SCAPER: variants seen among roughly 807,000 people sequenced by gnomAD.
SCAPER encodes S-phase cyclin A associated protein in the ER.
Under a neutral mutation model 182.2 loss-of-function variants are expected in SCAPER, and 98 were observed. The ratio of observed to expected loss-of-function variants is 0.54; its 90% CI spans 0.46 to 0.64. The LOEUF (loss-of-function observed/expected upper bound fraction) is 0.64. SCAPER is among the 30% of genes least tolerant of loss of function. The pLI, the probability that SCAPER is intolerant of heterozygous loss-of-function variation, is 0.00. For missense variants in SCAPER, 1,432 were observed against 1,690.0 expected, an observed-to-expected ratio of 0.85 and a Z score of 2.68; for synonymous variants, 605 against 564.6, an observed-to-expected ratio of 1.07 and a Z score of -1.01.
chr15:76,869,425 A>C (rs2072537264), intron 2 of SCAPER, among the ~76,000 whole-genome samples: 1 of 152,178 alleles, frequency 6.6e-6, no homozygotes, highest in South Asian at 2.1e-4. Flanking sequence ...GCAAAACACA[A>C]ATAATCCAAA....
At chr15:76,682,223 A>G (rs2057755519) in intron 20 of SCAPER, among the ~76,000 whole-genome samples, 1 of 151,456 alleles carries the variant, frequency 6.6e-6, no homozygotes, top group South Asian at 2.1e-4. Flanking sequence ...ACATACCCAC[A>G]TCTGTGACAG....
At chr15:76,424,260 T>C (rs987269585) in intron 26 of SCAPER, among the ~76,000 whole-genome samples, 1 of 152,214 alleles carries the variant, frequency 6.6e-6, no homozygotes, top group African/African-American at 2.4e-5. Context: ...TCTAAGTCTC[T>C]TTGTAGGTCT....
At chr15:76,534,521 G>A (rs975483380) in intron 23 of SCAPER, among the ~76,000 whole-genome samples, 2 of 152,180 alleles carry the variant, frequency 1.3e-5, no homozygotes, top group African/African-American at 2.4e-5. Context: ...TTTTAAATTA[G>A]AGCACAAATA....
intron 17 of SCAPER, among the ~76,000 whole-genome samples, chr15:76,719,780 T>G (rs2060097535): frequency 6.6e-6 from 1 of 152,014 alleles, no homozygotes; most frequent in Non-Finnish European, 1.5e-5. Flanking sequence ...ACAAAAGGCA[T>G]AAAGATGAGG....
intron 22 of SCAPER, among the ~76,000 whole-genome samples, chr15:76,618,584 C>CT (rs145290020): frequency 0.016 from 2,365 of 151,814 alleles, 62 homozygotes; most frequent in African/African-American, 0.055. Flanking sequence ...CTCTTGTTAG[C>CT]TTTTTTTTCA....
chr15:76,708,029 T>C (rs192379933), intron 17 of SCAPER, among the ~76,000 whole-genome samples: 15 of 152,260 alleles, frequency 9.9e-5, no homozygotes, highest in Admixed American at 8.5e-4. Context: ...AAAATATAGT[T>C]GTCGCTCAGT....
At chr15:76,680,413 T>TG (rs1464472685) in intron 20 of SCAPER, among the ~76,000 whole-genome samples, 209 of 10,258 alleles carry the variant, frequency 0.02, 2 homozygotes, top group African/African-American at 0.034. Context: ...ATGATGATGA[T>TG]AATAATAATA....
intron 17 of SCAPER, among the ~76,000 whole-genome samples, chr15:76,726,124 A>AATATGAATATATATATATATAT (rs1555555703): frequency 2.0e-3 from 30 of 15,334 alleles, no homozygotes; most frequent in African/African-American, 4.1e-3. Flanking sequence ...TAATGTCTAG[A>AATATGAATATATATATATATAT]ATATATATAT....
rs1265534491 is a variant in SCAPER at position 76,892,999 on chromosome 15, G to T, written c.-59-9123C>A. Among the ~76,000 whole-genome samples the T allele has an allele frequency of 2.6e-5, 4 of 152,268 alleles. No individual in the cohort carries two copies. The East Asian group carries it at 7.7e-4, about 29-fold the overall frequency. On this transcript the variant is annotated intron_variant, in intron 1 of 31. Transcript: ENST00000563290. ...TGGAATACCATGCAGCCATAAAAAA[G>T]GATGAGTTCATGTCCTTTGCAGGTA...
At chr15:76,371,996 A>G (rs530651349) in intron 29 of SCAPER, among the ~76,000 whole-genome samples, 2 of 151,682 alleles carry the variant, frequency 1.3e-5, no homozygotes, top group Non-Finnish European at 2.9e-5. Flanking sequence ...TAGAATTACT[A>G]TCTTTTCTAT....
intron 2 of SCAPER, among the ~76,000 whole-genome samples, chr15:76,875,334 G>C (rs775591693): frequency 2.0e-5 from 3 of 152,128 alleles, no homozygotes; most frequent in Non-Finnish European, 4.4e-5. Flanking sequence ...TCATATATAT[G>C]TATGTGTATA....
intron 23 of SCAPER, among the ~76,000 whole-genome samples, chr15:76,544,013 A>G (rs1344392444): frequency 6.6e-6 from 1 of 152,212 alleles, no homozygotes; most frequent in Non-Finnish European, 1.5e-5. Flanking sequence ...TAGTTTAAAA[A>G]TGGGTAAAAT....
intron 21 of SCAPER, among the ~76,000 whole-genome samples, chr15:76,654,332 C>T (rs1417277864): frequency 2.0e-5 from 3 of 151,784 alleles, no homozygotes; most frequent in Non-Finnish European, 2.9e-5. Context: ...GGCGTGAACC[C>T]GGGAGGCGGA....
At chr15:76,558,636 G>A (rs1437865548) in intron 23 of SCAPER, among the ~76,000 whole-genome samples, 1 of 152,152 alleles carries the variant, frequency 6.6e-6, no homozygotes, top group African/African-American at 2.4e-5. Flanking sequence ...AGAGAACTTA[G>A]AACTACCATT....
chr15:76,684,426 T>G (rs571860131), intron 20 of SCAPER, among the ~76,000 whole-genome samples: 5 of 152,194 alleles, frequency 3.3e-5, no homozygotes, highest in African/African-American at 9.6e-5. Flanking sequence ...ACACATTGTA[T>G]GCCTGTATCA....
intron 13 of SCAPER, 28 bp downstream of exon 13, chr15:76,765,309 A>G (rs778802010): frequency 1.3e-6 from 2 of 1,562,722 alleles, no homozygotes; most frequent in Admixed American, 3.4e-5. Flanking sequence ...GCTGTGAACC[A>G]TTTCAAATTA....
intron 5 of SCAPER, among the ~76,000 whole-genome samples, chr15:76,841,279 A>T (rs1352266825): frequency 6.6e-6 from 1 of 152,206 alleles, no homozygotes; most frequent in Non-Finnish European, 1.5e-5. Flanking sequence ...ATGGATCAAA[A>T]GAACAATTTT....
intron 29 of SCAPER, among the ~76,000 whole-genome samples, chr15:76,374,184 T>C (rs2042379747): frequency 1.3e-5 from 2 of 151,952 alleles, no homozygotes; most frequent in African/African-American, 2.4e-5. Context: ...GGTCAGGAGT[T>C]TGAGACCAGC....
chr15:76,873,898 CTTTTT>C (rs559728517), intron 2 of SCAPER, among the ~76,000 whole-genome samples: 1 of 144,492 alleles, frequency 6.9e-6, no homozygotes, highest in Non-Finnish European at 1.5e-5. Context: ...TTTTCTTCTT[CTTTTT>C]TTTTTTTTGA....
Sources: allele counts gnomAD v4.1 joint callset (sites outside exome capture counted in the v4.1 genomes callset), GRCh38; gene constraint gnomAD v4.1.1; transcripts MANE v1.5; gene names NCBI Gene and HGNC (gene_info 2026-07-23, HGNC 2026-07-21).